The following PES1 variants were observed in gnomAD, a reference collection of about 807,000 sequenced individuals.
PES1 encodes the protein pescadillo homolog.
Under a neutral mutation model 77.1 loss-of-function variants are expected in PES1, and 31 were observed. The observed-to-expected ratio is 0.40, with a 90% CI of 0.30 to 0.54. The LOEUF (loss-of-function observed/expected upper bound fraction) is 0.54. Ranked by LOEUF, PES1 falls within the 20% of genes least tolerant of loss-of-function variation. The pLI is 0.45. For synonymous variants in PES1, 282 were observed against 303.0 expected, an observed-to-expected ratio of 0.93 and a Z score of 0.72; for missense variants, 658 against 771.7, an observed-to-expected ratio of 0.85 and a Z score of 1.75.
intron 4 of PES1, 188 bp downstream of exon 4, chr22:30,587,098 A>G (rs980441656): frequency 8.8e-6 from 5 of 569,516 alleles, no homozygotes; most frequent in Non-Finnish European, 1.6e-5. Context: ...CCCTCTGACA[A>G]GCCTGTAACT....
upstream of PES1, among the ~76,000 whole-genome samples, chr22:30,594,685 C>A (rs945099878): frequency 1.5e-4 from 22 of 146,036 alleles, no homozygotes; most frequent in Admixed American, 1.3e-3. Context: ...AAAAAAAAAA[C>A]ACAGCCAGGC....
rs189005102 is a variant in PES1, at chr22:30,584,459, G to A, written c.541-5C>T. The A allele has an allele frequency of 6.2e-7, 1 of 1,611,570 alleles. No homozygotes were observed. The highest frequency in any genetic ancestry group is 8.5e-7 in the Non-Finnish European group (1 of 1,178,782). Reference sequence around the variant, plus strand: ...GCCTTTGATGGACAGGAAGACCTAGGGGAGAGGAGGAGACATCTGGGTGAA... The same window carrying A: ...GCCTTTGATGGACAGGAAGACCTAGAGGAGAGGAGGAGACATCTGGGTGAA... On this transcript the variant is annotated splice_region_variant and splice_polypyrimidine_tract_variant and intron_variant, in intron 5 of 14. Transcript: ENST00000354694.
intron 2 of PES1, among the ~76,000 whole-genome samples, chr22:30,600,827 C>CAA (rs200815388): frequency 2.6e-5 from 4 of 151,008 alleles, no homozygotes; most frequent in Admixed American, 2.0e-4. Flanking sequence ...AAAAACAAAA[C>CAA]AAAAAAAAAT....
At chr22:30,606,857 G>A (rs113767742) in exon 1 of PES1, 37 of 1,022,812 alleles carry the variant, frequency 3.6e-5, no homozygotes, top group Non-Finnish European at 4.0e-5. Flanking sequence ...CCTGGGCTAG[G>A]TGGGCACTAC....
intron 14 of PES1, among the ~76,000 whole-genome samples, chr22:30,577,669 T>G (rs949691990): frequency 5.3e-5 from 8 of 151,324 alleles, no homozygotes; most frequent in African/African-American, 1.5e-4. Flanking sequence ...TCTTTTTTTT[T>G]TTGGGGGGTA....
At chr22:30,598,094 G>A (rs907462578) in intron 2 of PES1, among the ~76,000 whole-genome samples, 2 of 151,824 alleles carry the variant, frequency 1.3e-5, no homozygotes, top group Non-Finnish European at 2.9e-5. Context: ...CGTTTTAGCC[G>A]GGATGGTCTC....
chr22:30,596,931 A>G (rs4820878), intron 2 of PES1, among the ~76,000 whole-genome samples: 91,861 of 152,086 alleles, frequency 0.6, 28,122 homozygotes, highest in Middle Eastern at 0.67. Flanking sequence ...GGTGGGCGTG[A>G]GCTTGGCGGG....
In PES1 at chr22:30,577,069, CCTT is replaced by C. The variant is rs746765440; in HGVS notation, c.1741_1743del (p.Lys581del). ...ACTCACTCCGGCCTTGCCTTCTTGG[CCTT>C]CTTCTCAGACCTCACCGCCTCATCG... On this transcript the variant is annotated inframe_deletion, in exon 15 of 15. Coordinates refer to ENST00000354694, the MANE Select transcript of PES1 (RefSeq NM_014303.4). 21 of 1,613,882 alleles carry C rather than the reference CCTT, an allele frequency of 1.3e-5. No homozygotes were observed. The highest frequency in any genetic ancestry group is 1.7e-5 in the Admixed American group (1 of 60,006).
chr22:30,604,644 A>G (rs55679829), intron 2 of PES1, among the ~76,000 whole-genome samples: 4,029 of 151,876 alleles, frequency 0.027, 76 homozygotes, highest in African/African-American at 0.046. Context: ...AAATAAATAA[A>G]TAAGAAAAAA....
rs370516539 is a variant in PES1, at chr22:30,580,184, G to A, written c.1044-6C>T. 6.2e-7 allele frequency: 1 copy of A among 1,609,342 alleles called. No homozygotes were observed. Among genetic ancestry groups the A allele is most frequent in the African/African-American group, 1.3e-5 (1 of 74,826 alleles). On this transcript the variant is annotated splice_polypyrimidine_tract_variant and splice_region_variant and intron_variant, in intron 10 of 14. Coordinates refer to ENST00000354694, the MANE Select transcript of PES1 (RefSeq NM_014303.4). ...ACACTTCCCCACCAAAACTCCTACAGGGACAGGGAGAGCCCACACGGGTAC... is the reference window on the plus strand; with the variant it reads ...ACACTTCCCCACCAAAACTCCTACAAGGACAGGGAGAGCCCACACGGGTAC...
intron 4 of PES1, among the ~76,000 whole-genome samples, chr22:30,586,208 T>G (rs1471727308): frequency 1.3e-5 from 2 of 152,196 alleles, no homozygotes. Context: ...TTATTTCACC[T>G]AACACTGTGT....
chr22:30,596,925 GGCGTGA>G (rs2087261319), intron 2 of PES1, among the ~76,000 whole-genome samples: 1 of 152,220 alleles, frequency 6.6e-6, no homozygotes, highest in African/African-American at 2.4e-5. Flanking sequence ...GTTAAGGGTG[GGCGTGA>G]GCTTGGCGGG....
At chr22:30,589,351 G>GTGATAGTT in intron 1 of PES1, 81 bp from the exon 2 acceptor site, 3 of 1,161,388 alleles carry the variant, frequency 2.6e-6, no homozygotes, top group Non-Finnish European at 3.8e-6. Context: ...TAGTTCCAGA[G>GTGATAGTT]GCAACTATCA....
chr22:30,589,124 A>C (rs2087137498), intron 2 of PES1, 67 bp downstream of exon 2: 1 of 1,166,816 alleles, frequency 8.6e-7, no homozygotes. Context: ...CAGGTAAGAC[A>C]GGGATGCAGC....
At chr22:30,598,656 TTACC>T (rs1266358977) in intron 2 of PES1, among the ~76,000 whole-genome samples, 3 of 152,020 alleles carry the variant, frequency 2.0e-5, no homozygotes, top group Non-Finnish European at 4.4e-5. Flanking sequence ...ATTGAACTCC[TTACC>T]TTAAGTGACC....
At chr22:30,584,981 G>A (rs2087054582) in intron 4 of PES1, among the ~76,000 whole-genome samples, 1 of 152,206 alleles carries the variant, frequency 6.6e-6, no homozygotes. Context: ...CAAAGACCCA[G>A]CCTTGACCCA....
Position 30,587,400 on chromosome 22 carries a change from A to G in PES1, c.259-5T>C, listed in dbSNP as rs2087107955. The G allele has an allele frequency of 1.2e-6, 2 of 1,605,518 alleles. No homozygotes were observed. Among genetic ancestry groups the G allele is most frequent in the Non-Finnish European group, 1.7e-6 (2 of 1,172,628 alleles). ...CCGGAGCTTCCGGACGAACACCTGG[A>G]AGAAAGAAAGAAAACACCTCAATGC... On this transcript the variant is annotated splice_region_variant and splice_polypyrimidine_tract_variant and intron_variant, in intron 3 of 14. Coordinates refer to ENST00000354694, the MANE Select transcript of PES1 (RefSeq NM_014303.4).
intron 1 of PES1, among the ~76,000 whole-genome samples, chr22:30,590,056 C>T (rs1163500890): frequency 1.3e-5 from 2 of 152,208 alleles, no homozygotes; most frequent in Non-Finnish European, 2.9e-5. Context: ...TTCTCCCCTT[C>T]CTCATTCATT....
At chr22:30,606,999 G>T in exon 1 of PES1, 1 of 627,296 alleles carries the variant, frequency 1.6e-6, no homozygotes, top group Non-Finnish European at 2.4e-6. Context: ...CCTCTGCGCT[G>T]GTCCCGGGCT....
Sources: gnomAD v4.1 joint callset for allele counts (sites outside exome capture counted in the v4.1 genomes callset) on GRCh38, gnomAD v4.1.1 for gene constraint, MANE v1.5 for transcripts, NCBI Gene and HGNC (gene_info 2026-07-23, HGNC 2026-07-21) for gene names.